The following NR1H3 variants were observed in gnomAD, a reference collection of about 807,000 sequenced individuals.
The protein encoded by NR1H3 is oxysterols receptor LXR-alpha.
NR1H3 carries 19 observed loss-of-function variants against 48.1 expected under a neutral mutation model. That is an observed-to-expected ratio of 0.40 (90% confidence interval 0.28 to 0.58). NR1H3 has a LOEUF of 0.58. Among genes scored for constraint, NR1H3 ranks in the 20% least tolerant of loss-of-function variants. The pLI, the probability that NR1H3 is intolerant of heterozygous loss-of-function variation, is 0.50. For missense variants in NR1H3, 486 were observed against 595.9 expected (o/e 0.82, Z 1.92); for synonymous variants, 232 against 227.3 (o/e 1.02, Z -0.19).
At chr11:47,255,711 G>A (rs1157238128), upstream of NR1H3, among the ~76,000 whole-genome samples, 2 of 147,238 alleles carry the variant, frequency 1.4e-5, no homozygotes, top group African/African-American at 5.0e-5. Flanking sequence ...GTTGTTGCCC[G>A]GGCTGGAGGG....
At chr11:47,254,740 C>T (rs1954934136), upstream of NR1H3, among the ~76,000 whole-genome samples, 4 of 152,172 alleles carry the variant, frequency 2.6e-5, no homozygotes, top group South Asian at 6.2e-4. Flanking sequence ...ACTCTGCTCC[C>T]CAGCCCCGGC....
At chr11:47,250,093 G>C (rs1954511893) in intron 1 of NR1H3, among the ~76,000 whole-genome samples, 1 of 152,038 alleles carries the variant, frequency 6.6e-6, no homozygotes, top group African/African-American at 2.4e-5. Flanking sequence ...GAGTGAGACT[G>C]TCTCAAAACA....
intron 1 of NR1H3, chr11:47,258,889 T>C (rs1046476242): frequency 1.2e-5 from 4 of 335,658 alleles, no homozygotes; most frequent in Non-Finnish European, 2.2e-5. Flanking sequence ...TAAAGCCTTA[T>C]AACAGGCTGG....
chr11:47,262,538 CAG>C (rs1203787302), intron 7 of NR1H3, among the ~76,000 whole-genome samples: 3 of 147,034 alleles, frequency 2.0e-5, no homozygotes, highest in Non-Finnish European at 4.5e-5. Flanking sequence ...TTTTTTTAGA[CAG>C]AGTTTGCTCT....
intron 1 of NR1H3, among the ~76,000 whole-genome samples, chr11:47,250,898 G>C (rs950275760): frequency 6.6e-6 from 1 of 152,214 alleles, no homozygotes; most frequent in South Asian, 2.1e-4. Context: ...GCGTGCTCAC[G>C]CCTGTAATCC....
intron 1 of NR1H3, among the ~76,000 whole-genome samples, chr11:47,251,035 G>A (rs1026211301): frequency 3.3e-5 from 5 of 151,944 alleles, no homozygotes; most frequent in African/African-American, 7.3e-5. Context: ...GGCAGGTGCC[G>A]GTAGTCCCAG....
chr11:47,248,616 C>T, upstream of NR1H3: 1 of 1,564,094 alleles, frequency 6.4e-7, no homozygotes, highest in South Asian at 1.2e-5. Context: ...TCGACCTCCA[C>T]CAGCTGGCCT....
rs755312343 is a variant in NR1H3 at position 47,266,209 on chromosome 11, C to A, written c.989-1704C>A. On this transcript the variant is annotated intron_variant, in intron 7 of 9. Coordinates refer to ENST00000441012, the MANE Select transcript of NR1H3 (RefSeq NM_005693.4). ...TTTTTCTTTGAAACAGGGTCTCGCT[C>A]TGTCGCCCAGGCTGAATGCAGTGGT... Among the ~76,000 whole-genome samples the A allele has an allele frequency of 1.2e-3, 176 of 152,138 alleles. 1 individual carries two copies. The highest frequency in any genetic ancestry group is 3.8e-4 in the Non-Finnish European group (26 of 68,018).
chr11:47,262,385 G>A (rs1215292561), intron 7 of NR1H3, among the ~76,000 whole-genome samples: 1 of 150,680 alleles, frequency 6.6e-6, no homozygotes, highest in African/African-American at 2.4e-5. Flanking sequence ...CAAAAATTGA[G>A]ATAGAGTCTT....
intron 4 of NR1H3, 74 bp from the exon 5 acceptor site, chr11:47,261,167 C>G (rs183510529): frequency 2.0e-6 from 2 of 1,002,284 alleles, no homozygotes; most frequent in Non-Finnish European, 2.8e-6. Context: ...ATCCTTCCCT[C>G]CTGTCTTTCC....
intron 8 of NR1H3, 37 bp from the exon 9 acceptor site, chr11:47,268,224 G>A (rs200841281): frequency 6.3e-7 from 1 of 1,596,222 alleles, no homozygotes; most frequent in East Asian, 2.2e-5. Flanking sequence ...CTGGACCCTG[G>A]CCAGACCTGC....
chr11:47,249,982 C>T (rs978731034), intron 1 of NR1H3, among the ~76,000 whole-genome samples: 1 of 151,984 alleles, frequency 6.6e-6, no homozygotes, highest in Non-Finnish European at 1.5e-5. Context: ...CTCCTGTAAT[C>T]CCAGCTACTC....
At chr11:47,263,461 C>T (rs1046307328) in intron 7 of NR1H3, among the ~76,000 whole-genome samples, 25 of 151,628 alleles carry the variant, frequency 1.6e-4, no homozygotes, top group African/African-American at 5.3e-4. Context: ...GAGTGGGTTT[C>T]GCCATGTTGC....
In NR1H3 at chr11:47,260,452, G is replaced by C; in HGVS notation, c.276G>C (p.Met92Ile). The change falls in exon 4 of 10, where the codon ATG becomes ATC. Residue 92 changes from methionine to isoleucine, a missense_variant. Transcript: ENST00000441012. ...QKRKKGPAPK[M>I]LGNELCSVCG... ...GGAAAAAGGGGCCAGCCCCCAAAAT[G>C]CTGGGGAACGAGCTATGCAGCGTGT... is the stretch of plus-strand genomic sequence containing the variant. 6.2e-7 allele frequency: 1 copy of C among 1,614,012 alleles called. No homozygotes were observed. Among genetic ancestry groups the C allele is most frequent in the Non-Finnish European group, 8.5e-7 (1 of 1,179,850 alleles).
chr11:47,250,097 CAA>C (rs1954512496), intron 1 of NR1H3, among the ~76,000 whole-genome samples: 1 of 152,018 alleles, frequency 6.6e-6, no homozygotes, highest in Non-Finnish European at 1.5e-5. Context: ...GAGACTGTCT[CAA>C]AACAACAACA....
In NR1H3 at chr11:47,261,936, A is replaced by T; in HGVS notation, c.906A>T (p.Thr302=). The T allele has an allele frequency of 2.5e-6, 4 of 1,613,854 alleles. No individual in the cohort carries two copies. The highest frequency in any genetic ancestry group is 3.4e-6 in the Non-Finnish European group (4 of 1,179,912). ...TSAIEVMLLE[T]SRRYNPGSES... The stretch of plus-strand genomic sequence containing the variant: ...GTGTGCAGGTGATGCTTCTGGAGAC[A>T]TCTCGGAGGTACAACCCTGGGAGTG... Residue 302 remains threonine (T), a synonymous_variant, in exon 7 of 10, where the codon ACA becomes ACT. Coordinates refer to ENST00000441012, the MANE Select transcript of NR1H3 (RefSeq NM_005693.4).
intron 7 of NR1H3, among the ~76,000 whole-genome samples, chr11:47,264,082 G>A (rs1196992855): frequency 1.3e-5 from 2 of 152,210 alleles, no homozygotes; most frequent in South Asian, 2.1e-4. Context: ...TGGGAGCTAC[G>A]CAGAAGGGGT....
At chr11:47,252,750 CTT>C (rs759933147) in intron 1 of NR1H3, among the ~76,000 whole-genome samples, 6 of 136,852 alleles carry the variant, frequency 4.4e-5, no homozygotes, top group South Asian at 2.4e-4. Flanking sequence ...ATTTTTTTGG[CTT>C]TTTTTTTTTG....
intron 1 of NR1H3, among the ~76,000 whole-genome samples, chr11:47,252,876 G>A (rs150149131): frequency 1.3e-5 from 2 of 151,352 alleles, no homozygotes; most frequent in East Asian, 3.9e-4. Flanking sequence ...GCCCCAGCCG[G>A]CAGTTTTATA....
Sources: gnomAD v4.1 joint callset for allele counts (sites outside exome capture counted in the v4.1 genomes callset) on GRCh38, gnomAD v4.1.1 for gene constraint, MANE v1.5 for transcripts, NCBI Gene and HGNC (gene_info 2026-07-23, HGNC 2026-07-21) for gene names.